TBC1D22A: variants seen among roughly 807,000 people sequenced by gnomAD.
The protein encoded by TBC1D22A is putative GTPase activator.
In TBC1D22A, 38 loss-of-function variants were observed where a neutral mutation model predicts 60.2. That is an observed-to-expected ratio of 0.63 (90% confidence interval 0.49 to 0.83). The LOEUF (loss-of-function observed/expected upper bound fraction) is 0.83, where lower values mean the gene tolerates loss of function less well. Among genes scored for constraint, TBC1D22A ranks in the 40% least tolerant of loss-of-function variants. The pLI is 0.00. For missense variants in TBC1D22A, 628 were observed against 701.0 expected (o/e 0.90, Z 1.18); for synonymous variants, 302 against 281.7 (o/e 1.07, Z -0.72).
chr22:47,038,781 C>T (rs1569369825), intron 11 of TBC1D22A, among the ~76,000 whole-genome samples: 1 of 152,210 alleles, frequency 6.6e-6, no homozygotes, highest in Non-Finnish European at 1.5e-5. Flanking sequence ...AGCAGACTGT[C>T]ATTCGTGTCC....
chr22:47,129,652 A>G (rs1346229251), intron 12 of TBC1D22A, among the ~76,000 whole-genome samples: 1 of 152,234 alleles, frequency 6.6e-6, no homozygotes, highest in African/African-American at 2.4e-5. Flanking sequence ...TGAAACTGAA[A>G]GATGAGAGGG....
intron 9 of TBC1D22A, among the ~76,000 whole-genome samples, chr22:46,986,726 A>G (rs1253774373): frequency 2.6e-5 from 4 of 152,178 alleles, no homozygotes; most frequent in African/African-American, 9.7e-5. Context: ...ATATACAAAT[A>G]CAGTTGATTT....
chr22:47,040,244 C>T lies in TBC1D22A; in HGVS notation c.1329+3046C>T, dbSNP rs139343332. ...ACAGGTGTGAGCCACCACGCCTGGC[C>T]GGTGCCCAGACTTTTAAACAACCCG... On this transcript the variant is annotated intron_variant, in intron 11 of 12. Transcript: ENST00000337137. Among the ~76,000 whole-genome samples, 830 of 152,218 alleles carry T rather than the reference C, an allele frequency of 5.5e-3. 13 individuals carry two copies. The highest frequency in any genetic ancestry group is 0.019 in the African/African-American group (796 of 41,530).
chr22:47,165,938 G>GTGAACCACT (rs2068193194), intron 12 of TBC1D22A, among the ~76,000 whole-genome samples: 1 of 152,206 alleles, frequency 6.6e-6, no homozygotes, highest in Admixed American at 6.5e-5. Context: ...TCCCCGCGTC[G>GTGAACCACT]CATGTCACCG....
At chr22:46,912,522 T>G (rs2070014804) in intron 8 of TBC1D22A, among the ~76,000 whole-genome samples, 1 of 152,094 alleles carries the variant, frequency 6.6e-6, no homozygotes, top group African/African-American at 2.4e-5. Flanking sequence ...CGATCAGTCA[T>G]TCAGTCAATC....
chr22:47,173,366 T>G (rs2068566543), intron 12 of TBC1D22A, 132 bp from the exon 13 acceptor site: 2 of 1,242,030 alleles, frequency 1.6e-6, no homozygotes, highest in Non-Finnish European at 1.1e-6. Context: ...CCAGTTTTCC[T>G]GGATCACCCG....
intron 11 of TBC1D22A, among the ~76,000 whole-genome samples, chr22:47,054,320 G>C (rs991484352): frequency 6.6e-6 from 1 of 152,204 alleles, no homozygotes; most frequent in Non-Finnish European, 1.5e-5. Flanking sequence ...TGGAAGAGCT[G>C]GTGGAGACGA....
intron 7 of TBC1D22A, among the ~76,000 whole-genome samples, chr22:46,904,142 T>TCTATCTATCTACCTACCTACCTACCTAC (rs57116517): frequency 7.4e-6 from 1 of 134,500 alleles, no homozygotes; most frequent in African/African-American, 3.0e-5. Context: ...TATCTATCTA[T>TCTATCTATCTACCTACCTACCTACCTAC]CTACCTACCT....
At chr22:46,984,470 A>C (rs2074646381) in intron 9 of TBC1D22A, among the ~76,000 whole-genome samples, 1 of 142,254 alleles carries the variant, frequency 7.0e-6, no homozygotes, top group Non-Finnish European at 1.5e-5. Flanking sequence ...CACTTTTGCC[A>C]GTCTTTTCAT....
intron 8 of TBC1D22A, among the ~76,000 whole-genome samples, chr22:46,938,391 C>A (rs979056976): frequency 1.3e-5 from 2 of 152,178 alleles, no homozygotes; most frequent in Non-Finnish European, 2.9e-5. Context: ...AGGCTTCGCT[C>A]TAGGTGTGTG....
chr22:46,918,264 G>A (rs994477836), intron 8 of TBC1D22A, among the ~76,000 whole-genome samples: 1 of 152,238 alleles, frequency 6.6e-6, no homozygotes, highest in Non-Finnish European at 1.5e-5. Context: ...TAGGTTTGGA[G>A]AGAGGGAGAT....
At chr22:47,096,911 T>C (rs565101982) in intron 11 of TBC1D22A, among the ~76,000 whole-genome samples, 2 of 152,326 alleles carry the variant, frequency 1.3e-5, no homozygotes, top group South Asian at 2.1e-4. Context: ...CCACCCTCAG[T>C]TCGCGTGTGG....
At chr22:47,104,107 C>A (rs997351858) in intron 11 of TBC1D22A, among the ~76,000 whole-genome samples, 1 of 151,862 alleles carries the variant, frequency 6.6e-6, no homozygotes. Flanking sequence ...GAGTTTGAGA[C>A]CAGCCTGGCC....
chr22:47,023,223 T>A (rs1254078352), intron 10 of TBC1D22A, among the ~76,000 whole-genome samples: 4 of 152,220 alleles, frequency 2.6e-5, no homozygotes, highest in African/African-American at 9.6e-5. Context: ...AAAGACCATG[T>A]CTTAAATGAA....
At chr22:46,849,154 T>C (rs1482500314) in intron 4 of TBC1D22A, among the ~76,000 whole-genome samples, 1 of 152,248 alleles carries the variant, frequency 6.6e-6, no homozygotes, top group Non-Finnish European at 1.5e-5. Flanking sequence ...ATTCTGATGC[T>C]GGACAATTCT....
intron 12 of TBC1D22A, among the ~76,000 whole-genome samples, chr22:47,145,400 CCTT>C (rs1189848679): frequency 2.0e-5 from 3 of 152,284 alleles, no homozygotes; most frequent in South Asian, 2.1e-4. Flanking sequence ...GGCCCAGAGT[CCTT>C]CTTAGCCAGC....
intron 11 of TBC1D22A, among the ~76,000 whole-genome samples, chr22:47,065,340 A>AT (rs1392629531): frequency 1.3e-5 from 2 of 152,286 alleles, no homozygotes; most frequent in African/African-American, 2.4e-5. Flanking sequence ...AATTAAGGTT[A>AT]TTTTTTAGTT....
intron 10 of TBC1D22A, among the ~76,000 whole-genome samples, chr22:47,001,457 A>G (rs940052038): frequency 4.6e-5 from 7 of 151,606 alleles, no homozygotes; most frequent in African/African-American, 1.5e-4. Flanking sequence ...AAAAGAAAAA[A>G]AAAAAAAAAA....
intron 3 of TBC1D22A, among the ~76,000 whole-genome samples, chr22:46,796,179 T>G: frequency 6.6e-6 from 1 of 150,952 alleles, no homozygotes. Flanking sequence ...GCAGCGGGGA[T>G]GGGGGAGGAG....
Sources: allele counts gnomAD v4.1 joint callset (sites outside exome capture counted in the v4.1 genomes callset), GRCh38; gene constraint gnomAD v4.1.1; transcripts MANE v1.5; gene names NCBI Gene and HGNC (gene_info 2026-07-23, HGNC 2026-07-21).